PLEKHD1: variants seen among roughly 807,000 people sequenced by gnomAD.
The protein encoded by PLEKHD1 is pleckstrin homology and coiled-coil domain containing D1.
In PLEKHD1, 51 loss-of-function variants were observed where a neutral mutation model predicts 69.2. That is an observed-to-expected ratio of 0.74 (90% CI 0.59 to 0.93). The LOEUF (loss-of-function observed/expected upper bound fraction) is 0.93, where lower values mean the gene tolerates loss of function less well. PLEKHD1 is among the 40% of genes least tolerant of loss of function. The pLI is 0.00. For synonymous variants in PLEKHD1, 236 were observed against 244.7 expected (o/e 0.96, Z 0.33); for missense variants, 584 against 641.0 (o/e 0.91, Z 0.96).
intron 5 of PLEKHD1, 33 bp from the exon 6 acceptor site, chr14:69,502,794 T>G (rs768423567): frequency 8.4e-6 from 13 of 1,551,250 alleles, no homozygotes; most frequent in Non-Finnish European, 1.1e-5. Flanking sequence ...CCTGATTGTG[T>G]GTGCATGTGT....
intron 6 of PLEKHD1, among the ~76,000 whole-genome samples, chr14:69,506,018 A>C (rs1883144164): frequency 6.6e-6 from 1 of 152,214 alleles, no homozygotes; most frequent in Non-Finnish European, 1.5e-5. Context: ...AGGGTAGGGC[A>C]GGGTTTCTGG....
the PLEKHD1 span, among the ~76,000 whole-genome samples, chr14:69,479,308 C>G: frequency 4.6e-5 from 7 of 152,204 alleles, no homozygotes; most frequent in South Asian, 1.5e-3. Flanking sequence ...ACAGCCAAAC[C>G]GTATCAGTGT....
At chr14:69,506,486 G>A (rs1354004137) in intron 6 of PLEKHD1, among the ~76,000 whole-genome samples, 1 of 152,150 alleles carries the variant, frequency 6.6e-6, no homozygotes, top group East Asian at 1.9e-4. Context: ...CTTGGACACT[G>A]GCTTCCTTTA....
rs551244013 is a variant in PLEKHD1 at position 69,526,129 on chromosome 14, G to A, written c.923+7G>A. ...AGCTCCTGGCAGAGAAGCGGTGAGG[G>A]AGCCCCGACCCCTGAAGACACCATT... On this transcript the variant is annotated splice_region_variant and intron_variant, in intron 9 of 12. Coordinates refer to ENST00000322564, the MANE Select transcript of PLEKHD1 (RefSeq NM_001161498.2). The A allele has an allele frequency of 2.6e-6, 4 of 1,547,702 alleles. No homozygotes were observed. The highest frequency in any genetic ancestry group is 1.4e-5 in the African/African-American group (1 of 72,802).
At chr14:69,478,859 C>T in the PLEKHD1 span, among the ~76,000 whole-genome samples, 1 of 152,200 alleles carries the variant, frequency 6.6e-6, no homozygotes, top group Non-Finnish European at 1.5e-5. Context: ...TGTCTGTTAC[C>T]CAGTTCCAAA....
At chr14:69,486,723 A>G (rs1285667561) in intron 1 of PLEKHD1, among the ~76,000 whole-genome samples, 2 of 152,192 alleles carry the variant, frequency 1.3e-5, no homozygotes, top group Admixed American at 6.5e-5. Flanking sequence ...AGAAAATGCT[A>G]GGTGCTTGTG....
Position 69,528,271 on chromosome 14 carries a change from T to G in PLEKHD1, c.1373T>G (p.Met458Arg), listed in dbSNP as rs1477819314. The G allele has an allele frequency of 6.4e-7, 1 of 1,551,592 alleles. No individual in the cohort carries two copies. ...CCAGTGAAGCCGTCCCAGTCCTTCA[T>G]GACCTCCCAGCTGGATGCCAACAAC... is the stretch of plus-strand genomic sequence containing the variant. ...WNDMKPSQSF[M>R]TSQLDANNME... The change falls in exon 13 of 13, where the codon ATG (methionine) becomes AGG (arginine). Residue 458 changes from methionine to arginine, a missense_variant. Coordinates refer to ENST00000322564, the MANE Select transcript of PLEKHD1 (RefSeq NM_001161498.2).
chr14:69,526,564 C>A, intron 9 of PLEKHD1, 133 bp from the exon 10 acceptor site: 1 of 1,147,586 alleles, frequency 8.7e-7, no homozygotes, highest in Non-Finnish European at 1.2e-6. Flanking sequence ...TGCCTGGACC[C>A]ACAAAGTTCA....
rs1352236982 is a variant in PLEKHD1 at position 69,530,398 on chromosome 14, A to T, written c.*1979A>T. On this transcript the variant is annotated 3_prime_UTR_variant, in exon 13 of 13. Transcript: ENST00000322564. ...AAATGTAAAACTTTAAACGTGTATA[A>T]CATGCATAAACCTGGAACTTGTTTC... The T allele has an allele frequency of 6.6e-6, 1 of 152,220 alleles. No individual in the cohort carries two copies. The highest frequency in any genetic ancestry group is 1.5e-5 in the Non-Finnish European group (1 of 68,034). 9.4% of individuals were successfully genotyped at this position (152,220 alleles called of 1,614,324 possible).
Position 69,500,626 on chromosome 14 carries a change from G to A in PLEKHD1, c.293G>A (p.Ser98Asn). The A allele has an allele frequency of 6.4e-7, 1 of 1,551,434 alleles. No individual in the cohort carries two copies. The highest frequency in any genetic ancestry group is 8.7e-7 in the Non-Finnish European group (1 of 1,146,882). ...CTGGTGGAGCCCAAGGAAGAGCCTA[G>A]CATGCCCTATGCCATGAAGATCTCC... ...GCLVEPKEEPSMPYAMKISHQ... is the reference protein window; with the variant it reads ...GCLVEPKEEPNMPYAMKISHQ... The change falls in exon 3 of 13, where the codon AGC becomes AAC. Residue 98 changes from serine to asparagine, a missense_variant. Ser to Asn is a conservative substitution (Grantham distance 46). Coordinates refer to ENST00000322564, the MANE Select transcript of PLEKHD1 (RefSeq NM_001161498.2).
At chr14:69,526,979 C>T in intron 10 of PLEKHD1, 150 bp downstream of exon 10, 2 of 1,282,468 alleles carry the variant, frequency 1.6e-6, no homozygotes, top group Non-Finnish European at 2.1e-6. Context: ...CGAGGGGAAG[C>T]AGCAAGTCTG....
chr14:69,501,602 G>T, intron 4 of PLEKHD1, 132 bp from the exon 5 acceptor site: 1 of 661,960 alleles, frequency 1.5e-6, no homozygotes, highest in South Asian at 1.9e-5. Context: ...GTGAATGCAA[G>T]TTGAGATTCT....
intron 6 of PLEKHD1, among the ~76,000 whole-genome samples, chr14:69,517,053 C>T (rs1475077109): frequency 2.0e-5 from 3 of 151,668 alleles, no homozygotes; most frequent in Non-Finnish European, 2.9e-5. Context: ...TGCATTAGTC[C>T]AGGCAAGACC....
Position 69,501,147 on chromosome 14 carries a change from T to C in PLEKHD1, c.410+200T>C, listed in dbSNP as rs1883015916. 4 of 608,330 alleles carry C rather than the reference T, an allele frequency of 6.6e-6. No individual in the cohort carries two copies. In the South Asian group the frequency reaches 7.8e-5, roughly 12 times the overall value. 37.7% of individuals were successfully genotyped at this position (608,330 alleles called of 1,614,324 possible). On this transcript the variant is annotated intron_variant, in intron 4 of 12. Coordinates refer to ENST00000322564, the MANE Select transcript of PLEKHD1 (RefSeq NM_001161498.2). ...CCCCTGAGTGAGCTTGAAAAGTGTCTAGGTCACAGGTGGCAGGTGTGGGTA... is the reference window on the plus strand; with the variant it reads ...CCCCTGAGTGAGCTTGAAAAGTGTCCAGGTCACAGGTGGCAGGTGTGGGTA...
intron 1 of PLEKHD1, among the ~76,000 whole-genome samples, chr14:69,492,211 A>G (rs573851932): frequency 1.3e-5 from 2 of 152,230 alleles, no homozygotes; most frequent in East Asian, 3.9e-4. Flanking sequence ...AACTTTGAAC[A>G]CACTATTCTT....
intron 7 of PLEKHD1, 114 bp from the exon 8 acceptor site, chr14:69,524,115 A>G (rs1883583282): frequency 1.2e-6 from 1 of 822,132 alleles, no homozygotes; most frequent in Non-Finnish European, 2.0e-6. Context: ...TGGCCATTCA[A>G]GAGCCCTCCT....
chr14:69,483,934 C>T (rs1441994261), upstream of PLEKHD1, among the ~76,000 whole-genome samples: 1 of 152,246 alleles, frequency 6.6e-6, no homozygotes, highest in Non-Finnish European at 1.5e-5. Context: ...CCGAAAGGAG[C>T]GGAAGCGGAT....
intron 6 of PLEKHD1, among the ~76,000 whole-genome samples, chr14:69,516,368 C>CT (rs1328937270): frequency 6.6e-6 from 1 of 151,896 alleles, no homozygotes; most frequent in Admixed American, 6.6e-5. Flanking sequence ...TCATTTTAGC[C>CT]TTTTTTTCTC....
intron 5 of PLEKHD1, chr14:69,502,548 A>C: frequency 2.2e-6 from 1 of 461,780 alleles, no homozygotes; most frequent in Admixed American, 3.5e-5. Flanking sequence ...GGACTAGCCC[A>C]GGTGCAGCAG....
Sources: allele counts gnomAD v4.1 joint callset (sites outside exome capture counted in the v4.1 genomes callset), GRCh38; gene constraint gnomAD v4.1.1; transcripts MANE v1.5; gene names NCBI Gene and HGNC (gene_info 2026-07-23, HGNC 2026-07-21).